AP1G1: variants seen among roughly 807,000 people sequenced by gnomAD.
AP1G1 encodes AP-1 complex subunit gamma-1.
Under a neutral mutation model 108.3 loss-of-function variants are expected in AP1G1, and 7 were observed. The ratio of observed to expected loss-of-function variants is 0.06; its 90% CI spans 0.04 to 0.12. The LOEUF is 0.12. Among genes scored for constraint, AP1G1 ranks in the 10% least tolerant of loss-of-function variants. The probability of loss-of-function intolerance (pLI) is 1.00; values close to 1 mark genes in which losing one functional copy is unlikely to be tolerated. For synonymous variants in AP1G1, 379 were observed against 353.5 expected (o/e 1.07, Z -0.81); for missense variants, 756 against 1,010.7 (o/e 0.75, Z 3.42).
intron 6 of AP1G1, among the ~76,000 whole-genome samples, chr16:71,768,512 A>AAAAAAAAAAAAG (rs1214880401): frequency 4.0e-5 from 6 of 150,878 alleles, no homozygotes; most frequent in East Asian, 3.9e-4. Context: ...AAAAAAAAAA[A>AAAAAAAAAAAAG]AGAGAGAAGG....
intron 1 of AP1G1, 116 bp downstream of exon 1, chr16:71,808,647 A>C: frequency 7.8e-7 from 1 of 1,289,686 alleles, no homozygotes; most frequent in Non-Finnish European, 1.0e-6. Flanking sequence ...TCTCTTCTCA[A>C]CACCCACAGC....
At chr16:71,752,474 A>T (rs182007752) in intron 13 of AP1G1, among the ~76,000 whole-genome samples, 1 of 152,188 alleles carries the variant, frequency 6.6e-6, no homozygotes, top group African/African-American at 2.4e-5. Context: ...ACAAATACAT[A>T]TAAGTCATAA....
chr16:71,744,748 G>GT (rs1311979740), intron 19 of AP1G1, among the ~76,000 whole-genome samples: 1 of 151,898 alleles, frequency 6.6e-6, no homozygotes, highest in East Asian at 1.9e-4. Context: ...GCTAATTGTT[G>GT]TATTTTTAGT....
At chr16:71,807,997 C>G in intron 1 of AP1G1, 39 of 1,221,632 alleles carry the variant, frequency 3.2e-5, no homozygotes, top group Non-Finnish European at 4.1e-5. Flanking sequence ...TAAACATAAT[C>G]TGCTTCATAA....
chr16:71,808,801 C>G lies in AP1G1; in HGVS notation c.-42G>C, dbSNP rs768425440. 8.5e-6 allele frequency: 11 copies of G among 1,289,610 alleles called. No individual in the cohort carries two copies. The highest frequency in any genetic ancestry group is 1.1e-5 in the Non-Finnish European group (11 of 988,806). The allele number at this position is 1,289,610 out of a possible 1,614,324, so 79.9% of individuals were successfully genotyped here. ...CGAATGAAACCAGCAGCTCCGGGGGCGGCGGCAGCAGTGGCAGCAGGAACC... is the reference window on the plus strand; with the variant it reads ...CGAATGAAACCAGCAGCTCCGGGGGGGGCGGCAGCAGTGGCAGCAGGAACC... On this transcript the variant is annotated 5_prime_UTR_variant, in exon 1 of 23. Transcript: ENST00000299980.
intron 19 of AP1G1, among the ~76,000 whole-genome samples, chr16:71,741,294 A>T (rs2145419843): frequency 6.6e-6 from 1 of 152,288 alleles, no homozygotes; most frequent in East Asian, 1.9e-4. Context: ...TAGAAAAGTA[A>T]ATGACAGGCT....
chr16:71,807,856 G>C (rs1003851705), intron 1 of AP1G1: 21 of 1,287,854 alleles, frequency 1.6e-5, no homozygotes, highest in Non-Finnish European at 1.8e-5. Flanking sequence ...ATATATAATA[G>C]GGGAGAAAAA....
intron 9 of AP1G1, among the ~76,000 whole-genome samples, chr16:71,763,286 A>G (rs1263978556): frequency 1.3e-5 from 2 of 152,206 alleles, no homozygotes; most frequent in Non-Finnish European, 2.9e-5. Flanking sequence ...TTTTTCTTGT[A>G]TCTCTTCAGA....
At chr16:71,760,437 C>T (rs553500433) in intron 10 of AP1G1, among the ~76,000 whole-genome samples, 5 of 150,644 alleles carry the variant, frequency 3.3e-5, no homozygotes, top group South Asian at 2.1e-4. Flanking sequence ...CCCAGCTACT[C>T]GGGAGGGTGA....
intron 2 of AP1G1, among the ~76,000 whole-genome samples, chr16:71,782,267 G>A (rs2032047919): frequency 6.6e-6 from 1 of 151,934 alleles, no homozygotes; most frequent in African/African-American, 2.4e-5. Flanking sequence ...AGGTTCAAGT[G>A]ATTCTCAAGC....
At chr16:71,799,990 G>A (rs576978731) in intron 1 of AP1G1, among the ~76,000 whole-genome samples, 143 of 151,990 alleles carry the variant, frequency 9.4e-4, no homozygotes, top group Admixed American at 2.6e-3. Context: ...GGAGGCCGAT[G>A]CAGGCAGATT....
chr16:71,808,089 T>G (rs2033058466), intron 1 of AP1G1: 1 of 1,163,790 alleles, frequency 8.6e-7, no homozygotes, highest in African/African-American at 1.6e-5. Flanking sequence ...CCGTCCCGAC[T>G]CTTTCAGGCA....
intron 3 of AP1G1, among the ~76,000 whole-genome samples, chr16:71,774,019 G>A (rs541037220): frequency 4.0e-5 from 6 of 148,280 alleles, no homozygotes; most frequent in African/African-American, 7.5e-5. Flanking sequence ...CTGAGATCAC[G>A]CCACTGCAGT....
intron 9 of AP1G1, among the ~76,000 whole-genome samples, chr16:71,762,413 A>C (rs2031130090): frequency 6.6e-6 from 1 of 152,154 alleles, no homozygotes; most frequent in African/African-American, 2.4e-5. Flanking sequence ...TATGACTCTC[A>C]ATGGGCTCCT....
In AP1G1 at chr16:71,735,262, C is replaced by T. The variant is rs542119465; in HGVS notation, c.2269-555G>A. 2.0e-4 allele frequency among the ~76,000 whole-genome samples: 30 copies of T among 152,238 alleles called. No homozygotes were observed. The South Asian group carries it at 5.6e-3, about 28-fold the overall frequency. ...CCTCCTCTCCACATGACAGAAGGAACGGAAAGACTTGCAGAACCAGCCTAT... is the reference window on the plus strand; with the variant it reads ...CCTCCTCTCCACATGACAGAAGGAATGGAAAGACTTGCAGAACCAGCCTAT... On this transcript the variant is annotated intron_variant, in intron 21 of 22. Transcript: ENST00000299980.
chr16:71,739,613 A>G (rs1312770418), intron 19 of AP1G1, among the ~76,000 whole-genome samples: 1 of 151,956 alleles, frequency 6.6e-6, no homozygotes, highest in Non-Finnish European at 1.5e-5. Context: ...TTAGCCAGGC[A>G]TGGTGGTGTG....
chr16:71,740,660 AAAG>A (rs2045608112), intron 19 of AP1G1, among the ~76,000 whole-genome samples: 2 of 152,236 alleles, frequency 1.3e-5, no homozygotes, highest in Non-Finnish European at 2.9e-5. Context: ...AAGGTGCAAA[AAAG>A]AACACATTCA....
chr16:71,768,192 T>TAAA (rs10610445), intron 6 of AP1G1, among the ~76,000 whole-genome samples: 1 of 99,828 alleles, frequency 1.0e-5, no homozygotes, highest in African/African-American at 3.8e-5. Context: ...AATACTAGTT[T>TAAA]AAAAAAAAAA....
rs1427608131 is a variant in AP1G1, at chr16:71,777,099, A to G, written c.202-2507T>C. 7.0e-5 allele frequency among the ~76,000 whole-genome samples: 9 copies of G among 127,750 alleles called. No homozygotes were observed. The Admixed American group carries it at 7.2e-4, about 10-fold the overall frequency. The allele number at this position is 127,750 out of a possible 152,430, so 83.8% of individuals were successfully genotyped here. On this transcript the variant is annotated intron_variant, in intron 2 of 22. Transcript: ENST00000299980. ...CACTCCAGCCTAGGAAAACAGCCAA[A>G]CTGTTACAAAAAAAAAAAAAAAAAA...
Sources: allele counts gnomAD v4.1 joint callset (sites outside exome capture counted in the v4.1 genomes callset), GRCh38; gene constraint gnomAD v4.1.1; transcripts MANE v1.5; gene names NCBI Gene and HGNC (gene_info 2026-07-23, HGNC 2026-07-21).